Variants in SNX18 observed in about 807,000 individuals in gnomAD.
SNX18 encodes sorting nexin 18.
A neutral mutation model predicts 48.7 loss-of-function variants in SNX18; 35 were observed. That is an observed-to-expected ratio of 0.72 (90% confidence interval 0.55 to 0.95). SNX18 has a LOEUF of 0.95. SNX18 is among the 40% of genes least tolerant of loss of function. The probability of loss-of-function intolerance (pLI) is 0.00; values close to 1 mark genes in which losing one functional copy is unlikely to be tolerated. For missense variants in SNX18, 824 were observed against 871.0 expected (o/e 0.95, Z 0.68); for synonymous variants, 492 against 384.7 (o/e 1.28, Z -3.26).
the SNX18 span, among the ~76,000 whole-genome samples, chr5:54,613,577 A>G: frequency 6.6e-6 from 1 of 152,230 alleles, no homozygotes; most frequent in Admixed American, 6.5e-5. Context: ...TGGAGGACAC[A>G]TTCAAACCCA....
the SNX18 span, among the ~76,000 whole-genome samples, chr5:54,596,931 C>CA: frequency 0.044 from 6,732 of 151,872 alleles, 230 homozygotes; most frequent in Non-Finnish European, 0.065. Context: ...ATGAGTGGAT[C>CA]AAAAAAGGAT....
the SNX18 span, among the ~76,000 whole-genome samples, chr5:54,597,482 C>T: frequency 2.0e-5 from 3 of 152,136 alleles, no homozygotes; most frequent in Non-Finnish European, 4.4e-5. Flanking sequence ...CAAAACTGAT[C>T]CCATAATTAG....
At chr5:54,623,926 G>C in the SNX18 span, among the ~76,000 whole-genome samples, 1 of 152,142 alleles carries the variant, frequency 6.6e-6, no homozygotes, top group Non-Finnish European at 1.5e-5. Flanking sequence ...CAACTTTGAG[G>C]TATAGAAACA....
the SNX18 span, among the ~76,000 whole-genome samples, chr5:54,556,799 A>G: frequency 3.9e-5 from 6 of 152,188 alleles, no homozygotes; most frequent in Non-Finnish European, 5.9e-5. Flanking sequence ...CTGCCCTTGT[A>G]AAGTCTAGAT....
the SNX18 span, among the ~76,000 whole-genome samples, chr5:54,640,793 C>T: frequency 1.3e-5 from 2 of 152,214 alleles, no homozygotes; most frequent in East Asian, 3.9e-4. Flanking sequence ...GGTGTGGTGG[C>T]TCACACCTGT....
chr5:54,599,511 C>T, the SNX18 span, among the ~76,000 whole-genome samples: 1 of 151,988 alleles, frequency 6.6e-6, no homozygotes, highest in African/African-American at 2.4e-5. Flanking sequence ...CAAAAAAGAG[C>T]CCATATAGCC....
At position 54,543,215 on chromosome 5, in the gene SNX18, T is replaced by C; in HGVS notation, c.1658T>C (p.Val553Ala). ...LTKVKESRRH[V>A]EEGKMEVQKA... is the part of the protein sequence containing the mutation. ...AAAGTCAAGGAGAGTAGGCGACACG[T>C]GGAGGAAGGGAAGATGGAGGTGCAG... is the stretch of plus-strand genomic sequence containing the variant. The change falls in exon 2 of 2, where the codon GTG (valine) becomes GCG (alanine). Residue 553 changes from valine (V) to alanine (A), a missense_variant. By Grantham distance (64) the Val-to-Ala change is moderately conservative. Coordinates refer to ENST00000381410, the MANE Select transcript of SNX18 (RefSeq NM_001102575.2). 1 of 1,613,960 alleles carries C rather than the reference T, an allele frequency of 6.2e-7. No homozygotes were observed. The highest frequency in any genetic ancestry group is 8.5e-7 in the Non-Finnish European group (1 of 1,179,978).
At chr5:54,613,078 G>C in the SNX18 span, among the ~76,000 whole-genome samples, 1 of 152,336 alleles carries the variant, frequency 6.6e-6, no homozygotes, top group African/African-American at 2.4e-5. Context: ...AACAGCCAGA[G>C]CCTAGGATGG....
At chr5:54,562,921 C>G in the SNX18 span, among the ~76,000 whole-genome samples, 2 of 152,096 alleles carry the variant, frequency 1.3e-5, no homozygotes, top group Admixed American at 1.3e-4. Flanking sequence ...TATTGATGAT[C>G]CTGACCCTGT....
rs751325405 is a variant in SNX18 at position 54,519,312 on chromosome 5, C to T, written c.1360C>T (p.Arg454Cys). 1 of 1,613,906 alleles carries T rather than the reference C, an allele frequency of 6.2e-7. No individual in the cohort carries two copies. The highest frequency in any genetic ancestry group is 8.5e-7 in the Non-Finnish European group (1 of 1,179,922). ...QLNHTANEFA[R>C]KQVTGFKKEY... ...CAACCACACGGCCAACGAGTTCGCG[C>T]GCAAGCAGGTGACCGGCTTCAAAAA... The change falls in exon 1 of 2, where the codon CGC (arginine) becomes TGC (cysteine). Residue 454 changes from arginine (R) to cysteine (C), a missense_variant. Transcript: ENST00000381410.
the SNX18 span, among the ~76,000 whole-genome samples, chr5:54,587,473 G>A: frequency 6.6e-6 from 1 of 152,038 alleles, no homozygotes; most frequent in African/African-American, 2.4e-5. Flanking sequence ...TGCTCCAAAG[G>A]TGAATTAATG....
chr5:54,613,827 T>G, the SNX18 span, among the ~76,000 whole-genome samples: 24,211 of 152,036 alleles, frequency 0.16, 2,386 homozygotes, highest in South Asian at 0.22. Flanking sequence ...GCCTCCCGAG[T>G]AGCTGGGATT....
chr5:54,532,317 T>C (rs1762265443), intron 1 of SNX18, among the ~76,000 whole-genome samples: 1 of 101,196 alleles, frequency 9.9e-6, no homozygotes. Flanking sequence ...CTTTTTTTTT[T>C]TCTTTTTTTT....
At chr5:54,589,149 C>A in the SNX18 span, among the ~76,000 whole-genome samples, 1 of 152,174 alleles carries the variant, frequency 6.6e-6, no homozygotes, top group Non-Finnish European at 1.5e-5. Flanking sequence ...ACACCCCCAA[C>A]CCCCTGCCCT....
rs1218053167 is a variant in SNX18 at position 54,518,923 on chromosome 5, CGGA to C, written c.973_975del (p.Glu325del). 1 of 1,613,868 alleles carries C rather than the reference CGGA, an allele frequency of 6.2e-7. No homozygotes were observed. ...TTCGACTGGCTGTACGCGCGCCTGGCGGAGAAGTTCCCGGTCATCTCCGTGCCC... is the reference window on the plus strand; with the variant it reads ...TTCGACTGGCTGTACGCGCGCCTGGCGAAGTTCCCGGTCATCTCCGTGCCC... On this transcript the variant is annotated inframe_deletion, in exon 1 of 2. Transcript: ENST00000381410.
chr5:54,647,986 T>C, the SNX18 span, among the ~76,000 whole-genome samples: 2 of 151,576 alleles, frequency 1.3e-5, no homozygotes, highest in African/African-American at 4.9e-5. Flanking sequence ...GGTGGGTTCT[T>C]GGTCTCACTG....
At chr5:54,591,545 G>T in the SNX18 span, among the ~76,000 whole-genome samples, 1 of 152,172 alleles carries the variant, frequency 6.6e-6, no homozygotes, top group Non-Finnish European at 1.5e-5. Flanking sequence ...AAGGGAAGGT[G>T]GGCAGGAAAG....
intron 1 of SNX18, among the ~76,000 whole-genome samples, chr5:54,532,282 C>A (rs1762264194): frequency 6.7e-6 from 1 of 150,084 alleles, no homozygotes; most frequent in East Asian, 1.9e-4. Context: ...AAAGTGTTGG[C>A]AGCTTGCAAA....
the SNX18 span, among the ~76,000 whole-genome samples, chr5:54,568,330 T>C: frequency 6.6e-6 from 1 of 152,202 alleles, no homozygotes; most frequent in Non-Finnish European, 1.5e-5. Flanking sequence ...AGAAACAACA[T>C]TGGCAGTCCA....
Sources: allele counts gnomAD v4.1 joint callset (sites outside exome capture counted in the v4.1 genomes callset), GRCh38; gene constraint gnomAD v4.1.1; transcripts MANE v1.5; gene names NCBI Gene and HGNC (gene_info 2026-07-23, HGNC 2026-07-21).